Variants in BNIP5 observed in about 807,000 individuals in gnomAD.
BNIP5 encodes protein BNIP5.
A neutral mutation model predicts 67.3 loss-of-function variants in BNIP5; 61 were observed. The observed-to-expected ratio is 0.91, with a 90% CI of 0.74 to 1.12. BNIP5 has a LOEUF of 1.12. Ranked by LOEUF, BNIP5 falls within the 50% of genes most tolerant of loss-of-function variation. The pLI is 0.00. For synonymous variants in BNIP5, 317 were observed against 319.0 expected, an observed-to-expected ratio of 0.99 and a Z score of 0.07; for missense variants, 826 against 816.3, an observed-to-expected ratio of 1.01 and a Z score of -0.14.
chr6:36,332,548 A>G (rs755282761), intron 1 of BNIP5, among the ~76,000 whole-genome samples: 28 of 152,188 alleles, frequency 1.8e-4, no homozygotes, highest in Non-Finnish European at 3.7e-4. Flanking sequence ...AAATGAATAG[A>G]TGTATAACAC....
At chr6:36,322,231 TC>T in intron 9 of BNIP5, 79 bp downstream of exon 9, 2 of 1,554,326 alleles carry the variant, frequency 1.3e-6, no homozygotes, top group South Asian at 2.2e-5. Context: ...CTCAGAACCA[TC>T]CCCTATTCAG....
chr6:36,316,267 A>G lies in BNIP5; in HGVS notation c.*1089T>C. The G allele has an allele frequency of 2.7e-6, 1 of 372,046 alleles. No individual in the cohort carries two copies. Among genetic ancestry groups the G allele is most frequent in the Non-Finnish European group, 4.8e-6 (1 of 209,562 alleles). 23.0% of individuals were successfully genotyped at this position (372,046 alleles called of 1,614,324 possible). ...ACATGTTCTGGGCAGTGTCCAAGGG[A>G]GCCGACTGTCTGTCTACAGTCTTGT... On this transcript the variant is annotated 3_prime_UTR_variant, in exon 12 of 12. Transcript: ENST00000437635.
chr6:36,320,289 G>T (rs151232446), intron 10 of BNIP5, among the ~76,000 whole-genome samples: 1 of 152,264 alleles, frequency 6.6e-6, no homozygotes, highest in Non-Finnish European at 1.5e-5. Flanking sequence ...ATGGGAAGGC[G>T]GCCCAGGGGG....
rs1202664721 is a variant in BNIP5 at position 36,330,232 on chromosome 6, C to T, written c.459G>A (p.Lys153=). The part of the protein sequence containing the change: ...ALRKKAHHDK[K]PSRKKQGHKK... ...TGTGACCTTGCTTCTTGCGGCTGGGCTTCTTGTCGTGGTGGGCTTTCTTCC... is the reference window on the plus strand; with the variant it reads ...TGTGACCTTGCTTCTTGCGGCTGGGTTTCTTGTCGTGGTGGGCTTTCTTCC... The change falls in exon 2 of 12, where the codon AAG becomes AAA. Residue 153 remains lysine, a synonymous_variant. Transcript: ENST00000437635. 6.2e-7 allele frequency: 1 copy of T among 1,614,048 alleles called. No individual in the cohort carries two copies. The highest frequency in any genetic ancestry group is 8.5e-7 in the Non-Finnish European group (1 of 1,180,040).
chr6:36,318,747 A>G (rs1771570994), intron 11 of BNIP5, among the ~76,000 whole-genome samples: 2 of 152,016 alleles, frequency 1.3e-5, no homozygotes, highest in Admixed American at 1.3e-4. Context: ...GACAAGCATC[A>G]TCTCTGAAGG....
rs571936718 is a variant in BNIP5 at position 36,320,888 on chromosome 6, G to C, written c.1668+267C>G. The stretch of plus-strand genomic sequence containing the variant: ...GAACTTCAATAGCTGATTTGGACAG[G>C]AGTGGTCCTGGCTGGGGCAGGGAGG... On this transcript the variant is annotated intron_variant, in intron 10 of 11. Transcript: ENST00000437635. Among the ~76,000 whole-genome samples the C allele has an allele frequency of 3.3e-5, 5 of 152,320 alleles. No homozygotes were observed. The South Asian group carries it at 6.2e-4, about 19-fold the overall frequency.
intron 10 of BNIP5, 146 bp from the exon 11 acceptor site, chr6:36,319,756 G>A: frequency 1.1e-6 from 1 of 912,856 alleles, no homozygotes; most frequent in Non-Finnish European, 1.6e-6. Flanking sequence ...ACTGCCCCTA[G>A]CCTCTCAGAA....
At position 36,323,327 on chromosome 6, in the gene BNIP5, A is replaced by G. The variant is rs777918829; in HGVS notation, c.1437T>C (p.Val479=). The G allele has an allele frequency of 6.2e-7, 1 of 1,614,254 alleles. No homozygotes were observed. The highest frequency in any genetic ancestry group is 1.1e-5 in the South Asian group (1 of 91,086). The change falls in exon 8 of 12, where the codon GTT becomes GTC. Residue 479 remains valine (V), a synonymous_variant. Transcript: ENST00000437635. The part of the protein sequence containing the change: ...PKRPSFLPLC[V]GGHRPSTSSS... ...TGGAGGTGGAGGGCCGATGGCCACC[A>G]ACACACAGGGGCAGAAAGCTGGGCC...
Position 36,319,437 on chromosome 6 carries a change from G to T in BNIP5, c.1842C>A (p.Ser614Arg). 6.2e-7 allele frequency: 1 copy of T among 1,614,158 alleles called. No individual in the cohort carries two copies. The highest frequency in any genetic ancestry group is 8.5e-7 in the Non-Finnish European group (1 of 1,180,024). The change falls in exon 11 of 12, where the codon AGC (serine) becomes AGA (arginine). Residue 614 changes from serine (S) to arginine (R), a missense_variant. By Grantham distance (110) the Ser-to-Arg change is moderately radical (BLOSUM62 -1). Transcript: ENST00000437635. The stretch of plus-strand genomic sequence containing the variant: ...TGAGGATGCACATGGCATGGCTGTT[G>T]CTGCCAGCAAATTTGTTAGCTAAGC... ...DVSLANKFAGSNSHAMCILMG... is the reference protein window; with the variant it reads ...DVSLANKFAGRNSHAMCILMG...
intron 5 of BNIP5, 109 bp from the exon 6 acceptor site, chr6:36,325,523 G>A (rs960790571): frequency 1.5e-6 from 2 of 1,322,622 alleles, no homozygotes; most frequent in African/African-American, 3.0e-5. Flanking sequence ...ATCACATTAA[G>A]GACTTATGGG....
intron 1 of BNIP5, among the ~76,000 whole-genome samples, chr6:36,332,541 T>C (rs1771930510): frequency 6.6e-6 from 1 of 152,168 alleles, no homozygotes; most frequent in African/African-American, 2.4e-5. Flanking sequence ...ATTAAACAAA[T>C]GAATAGATGT....
chr6:36,319,722 G>GTAACAAGGGGAGCTCATCCC, intron 10 of BNIP5, 112 bp from the exon 11 acceptor site: 1 of 1,258,798 alleles, frequency 7.9e-7, no homozygotes. Context: ...TCCCTGGGAT[G>GTAACAAGGGGAGCTCATCCC]AGCTCCCCTT....
chr6:36,324,272 T>C, intron 6 of BNIP5, 82 bp from the exon 7 acceptor site: 1 of 1,271,570 alleles, frequency 7.9e-7, no homozygotes, highest in Non-Finnish European at 1.1e-6. Context: ...AATGCCCCGG[T>C]GGCTCCCTGG....
chr6:36,334,197 C>T (rs147119998), intron 1 of BNIP5, among the ~76,000 whole-genome samples: 332 of 152,308 alleles, frequency 2.2e-3, no homozygotes, highest in African/African-American at 7.4e-3. Context: ...AGGAAAGCTG[C>T]GGTGATTTGG....
At chr6:36,335,206 C>T (rs1357962529) in intron 1 of BNIP5, among the ~76,000 whole-genome samples, 2 of 152,204 alleles carry the variant, frequency 1.3e-5, no homozygotes, top group African/African-American at 4.8e-5. Context: ...GTGACCTCAT[C>T]TCTATGCTGT....
chr6:36,320,422 G>A (rs193012782), intron 10 of BNIP5, among the ~76,000 whole-genome samples: 1 of 152,332 alleles, frequency 6.6e-6, no homozygotes, highest in Admixed American at 6.5e-5. Context: ...CCAGCCATTG[G>A]TTGAGGGTTG....
intron 10 of BNIP5, among the ~76,000 whole-genome samples, chr6:36,320,863 G>A (rs537006106): frequency 2.5e-4 from 38 of 152,328 alleles, no homozygotes; most frequent in African/African-American, 7.7e-4. Flanking sequence ...GACATGAGCC[G>A]AACTTCAATA....
chr6:36,334,523 G>T (rs1026696283), intron 1 of BNIP5, among the ~76,000 whole-genome samples: 1 of 151,916 alleles, frequency 6.6e-6, no homozygotes, highest in Non-Finnish European at 1.5e-5. Flanking sequence ...CCTCTCCCCC[G>T]CTCCAACTGC....
Position 36,316,520 on chromosome 6 carries a change from G to C in BNIP5, c.*836C>G. On this transcript the variant is annotated 3_prime_UTR_variant, in exon 12 of 12. Coordinates refer to ENST00000437635, the MANE Select transcript of BNIP5 (RefSeq NM_001010903.5). ...TAGGACATGAATAGTACCTCCTGGA[G>C]TATGGTGCTCTTGAGCAGTGCACCC... 1 of 398,642 alleles carries C rather than the reference G, an allele frequency of 2.5e-6. No individual in the cohort carries two copies. The allele number at this position is 398,642 out of a possible 1,614,324, so 24.7% of individuals were successfully genotyped here.
Sources: allele counts gnomAD v4.1 joint callset (sites outside exome capture counted in the v4.1 genomes callset), GRCh38; gene constraint gnomAD v4.1.1; transcripts MANE v1.5; gene names NCBI Gene and HGNC (gene_info 2026-07-23, HGNC 2026-07-21).